Variants in NCOA3 observed in about 807,000 individuals in gnomAD.
NCOA3 encodes the protein CBP-interacting protein.
A neutral mutation model predicts 158.8 loss-of-function variants in NCOA3; 51 were observed. That is an observed-to-expected ratio of 0.32 (90% CI 0.26 to 0.41). The LOEUF is 0.41. Ranked by LOEUF, NCOA3 falls within the 10% of genes least tolerant of loss-of-function variation. NCOA3 has a pLI of 1.00. For synonymous variants in NCOA3, 537 were observed against 592.4 expected (o/e 0.91, Z 1.36); for missense variants, 1,510 against 1,746.6 (o/e 0.86, Z 2.41).
At chr20:47,557,237 AGTCCT>A (rs10594957) in intron 1 of NCOA3, among the ~76,000 whole-genome samples, 19,404 of 152,156 alleles carry the variant, frequency 0.13, 1,683 homozygotes, top group African/African-American at 0.24. Flanking sequence ...AATAGCTTAC[AGTCCT>A]GTCAACAGTA....
At chr20:47,540,752 A>G (rs946506966) in intron 1 of NCOA3, among the ~76,000 whole-genome samples, 13 of 152,174 alleles carry the variant, frequency 8.5e-5, no homozygotes, top group Admixed American at 2.6e-4. Flanking sequence ...ATAACATTTC[A>G]GAGAATAATG....
At chr20:47,581,293 T>C (rs1470718230) in intron 1 of NCOA3, among the ~76,000 whole-genome samples, 2 of 152,224 alleles carry the variant, frequency 1.3e-5, no homozygotes, top group African/African-American at 4.8e-5. Flanking sequence ...GAGACACTTA[T>C]GCTTCTAAGC....
At chr20:47,634,373 A>G (rs955388118) in intron 10 of NCOA3, among the ~76,000 whole-genome samples, 178 bp downstream of exon 10, 9 of 152,202 alleles carry the variant, frequency 5.9e-5, no homozygotes, top group African/African-American at 2.2e-4. Context: ...TTTTTATGTG[A>G]AAGTGATTAT....
At chr20:47,597,956 C>T (rs1385472853) in intron 2 of NCOA3, among the ~76,000 whole-genome samples, 3 of 151,604 alleles carry the variant, frequency 2.0e-5, no homozygotes, top group African/African-American at 7.3e-5. Flanking sequence ...TTTAAAGAAC[C>T]AGGCTTCTGC....
intron 1 of NCOA3, among the ~76,000 whole-genome samples, chr20:47,526,517 G>A (rs577139904): frequency 2.0e-5 from 3 of 152,352 alleles, no homozygotes; most frequent in South Asian, 2.1e-4. Flanking sequence ...CCTGCACCTC[G>A]GGAGGCCGAG....
chr20:47,649,933 C>A (rs2086754692), intron 19 of NCOA3, among the ~76,000 whole-genome samples: 1 of 151,796 alleles, frequency 6.6e-6, no homozygotes, highest in Non-Finnish European at 1.5e-5. Context: ...TTGCCCCTTA[C>A]CTCTTTCTGA....
intron 2 of NCOA3, among the ~76,000 whole-genome samples, chr20:47,588,768 T>C (rs1256450767): frequency 6.6e-6 from 1 of 152,218 alleles, no homozygotes; most frequent in Non-Finnish European, 1.5e-5. Context: ...ATATATACTC[T>C]TGCACTTTGC....
intron 1 of NCOA3, among the ~76,000 whole-genome samples, chr20:47,511,111 T>C (rs2084116069): frequency 6.6e-6 from 1 of 152,106 alleles, no homozygotes; most frequent in Non-Finnish European, 1.5e-5. Flanking sequence ...ATCACTTCAG[T>C]ACAAGGCAAT....
chr20:47,548,322 C>T (rs2084866362), intron 1 of NCOA3, among the ~76,000 whole-genome samples: 1 of 151,858 alleles, frequency 6.6e-6, no homozygotes, highest in Non-Finnish European at 1.5e-5. Flanking sequence ...GCAGGCAGAT[C>T]ACCTGAGGTC....
chr20:47,640,165 C>G lies in NCOA3; in HGVS notation c.3080+114C>G, dbSNP rs72645276. 6 of 1,413,996 alleles carry G rather than the reference C, an allele frequency of 4.2e-6. No individual in the cohort carries two copies. In the Admixed American group the frequency reaches 5.3e-5, roughly 13 times the overall value. The allele number at this position is 1,413,996 out of a possible 1,614,324, so 87.6% of individuals were successfully genotyped here. ...ATGAGAATTCCCTATAATTGAGGTA[C>G]TGGGTTGCCAGCTGGGCATTTCTCG... On this transcript the variant is annotated intron_variant, in intron 16 of 22. Transcript: ENST00000371998.
intron 1 of NCOA3, among the ~76,000 whole-genome samples, chr20:47,570,539 T>C (rs1054768146): frequency 6.6e-6 from 1 of 152,204 alleles, no homozygotes; most frequent in African/African-American, 2.4e-5. Flanking sequence ...TGTCTTTTCC[T>C]ATTTCCACCA....
chr20:47,586,541 G>A (rs565418195), intron 2 of NCOA3, among the ~76,000 whole-genome samples: 18 of 151,996 alleles, frequency 1.2e-4, no homozygotes, highest in African/African-American at 1.7e-4. Context: ...GAAATCTATC[G>A]CCCATATTCC....
chr20:47,563,755 G>A (rs953207067), intron 1 of NCOA3, among the ~76,000 whole-genome samples: 1 of 151,876 alleles, frequency 6.6e-6, no homozygotes, highest in South Asian at 2.1e-4. Flanking sequence ...TGGGCGTGGT[G>A]GCAGGCGCCT....
chr20:47,514,913 G>A (rs943621983), intron 1 of NCOA3, among the ~76,000 whole-genome samples: 1 of 151,108 alleles, frequency 6.6e-6, no homozygotes, highest in Non-Finnish European at 1.5e-5. Flanking sequence ...TTGAACTCGT[G>A]ACTTTAGGTG....
intron 1 of NCOA3, among the ~76,000 whole-genome samples, chr20:47,543,566 A>G (rs1015979564): frequency 6.7e-6 from 1 of 150,346 alleles, no homozygotes; most frequent in Non-Finnish European, 1.5e-5. Context: ...CTGGAGTGCA[A>G]TGGTGGGATC....
rs377014290 is a variant in NCOA3, at chr20:47,594,664, CAAAAAAAAAAAAAAAAAA to C, written c.-20+11417_-20+11434del. Among the ~76,000 whole-genome samples the C allele has an allele frequency of 4.7e-4, 34 of 72,938 alleles. 1 individual carries two copies. Among genetic ancestry groups the C allele is most frequent in the South Asian group, 3.6e-3 (7 of 1,948 alleles). The allele number at this position is 72,938 out of a possible 152,430, so 47.9% of individuals were successfully genotyped here. ...TGGGCGACAGAGCGAGACTCTGTCTCAAAAAAAAAAAAAAAAAAAAAAAAAAAAAAAGAGAAGATGAAA... is the reference window on the plus strand; with the variant it reads ...TGGGCGACAGAGCGAGACTCTGTCTCAAAAAAAAAAAAAGAGAAGATGAAA... On this transcript the variant is annotated intron_variant, in intron 2 of 22. Coordinates refer to ENST00000371998, the MANE Select transcript of NCOA3 (RefSeq NM_181659.3).
At chr20:47,620,293 G>A (rs936155766) in intron 2 of NCOA3, among the ~76,000 whole-genome samples, 10 of 152,030 alleles carry the variant, frequency 6.6e-5, no homozygotes, top group Non-Finnish European at 7.4e-5. Flanking sequence ...AAAAAATTTT[G>A]TAGAGACAGG....
chr20:47,618,348 G>GTT (rs71183269), intron 2 of NCOA3, among the ~76,000 whole-genome samples: 3,152 of 101,284 alleles, frequency 0.031, 163 homozygotes, highest in African/African-American at 0.098. Flanking sequence ...TTTTCCCTTA[G>GTT]TTTTTTTTTT....
rs756676942 is a variant in NCOA3 at position 47,626,970 on chromosome 20, AT to A, written c.358-31del. On this transcript the variant is annotated intron_variant, in intron 5 of 22. Transcript: ENST00000371998. ...GAGGGAGGAGGATACAATTCAGTCC[AT>A]AACAGCCTGTATTAACATATCCTAT... is the stretch of plus-strand genomic sequence containing the variant. The A allele has an allele frequency of 3.2e-6, 5 of 1,574,104 alleles. No homozygotes were observed. The Admixed American group carries it at 5.2e-5, about 16-fold the overall frequency.
Sources: gnomAD v4.1 joint callset for allele counts (sites outside exome capture counted in the v4.1 genomes callset) on GRCh38, gnomAD v4.1.1 for gene constraint, MANE v1.5 for transcripts, NCBI Gene and HGNC (gene_info 2026-07-23, HGNC 2026-07-21) for gene names.